FHOD3: variants seen among roughly 807,000 people sequenced by gnomAD.
FHOD3 encodes formin homology 2 domain containing 3.
FHOD3 carries 90 observed loss-of-function variants against 173.0 expected under a neutral mutation model. That is an observed-to-expected ratio of 0.52 (90% CI 0.44 to 0.62). FHOD3 has a LOEUF of 0.62. Ranked by LOEUF, FHOD3 falls within the 20% of genes least tolerant of loss-of-function variation. The pLI is 0.00. For synonymous variants in FHOD3, 828 were observed against 823.0 expected (o/e 1.01, Z -0.10); for missense variants, 1,945 against 2,034.7 (o/e 0.96, Z 0.85).
chr18:36,631,525 A>G (rs1287398894), intron 10 of FHOD3, among the ~76,000 whole-genome samples: 1 of 152,266 alleles, frequency 6.6e-6, no homozygotes, highest in Non-Finnish European at 1.5e-5. Flanking sequence ...AGCCACAACA[A>G]CAGCTAGCCT....
At chr18:36,379,869 A>T (rs933090228) in intron 3 of FHOD3, among the ~76,000 whole-genome samples, 1 of 152,186 alleles carries the variant, frequency 6.6e-6, no homozygotes, top group African/African-American at 2.4e-5. Context: ...ATCAAAATTT[A>T]TGTCAGGAAA....
At chr18:36,356,159 T>C (rs937655329) in intron 2 of FHOD3, among the ~76,000 whole-genome samples, 4 of 152,262 alleles carry the variant, frequency 2.6e-5, no homozygotes, top group Admixed American at 1.3e-4. Context: ...ATTTTAGATA[T>C]TGTATTCAAT....
chr18:36,325,035 C>G (rs544125620), intron 1 of FHOD3, among the ~76,000 whole-genome samples: 1 of 152,286 alleles, frequency 6.6e-6, no homozygotes, highest in East Asian at 1.9e-4. Context: ...ATGGATGAAT[C>G]TCACAGATAT....
intron 5 of FHOD3, among the ~76,000 whole-genome samples, chr18:36,550,212 GTA>G (rs747912952): frequency 2.8e-4 from 36 of 128,894 alleles, no homozygotes; most frequent in Admixed American, 3.1e-4. Context: ...TATCACTTGT[GTA>G]TATATATATA....
chr18:36,420,169 C>T lies in FHOD3; in HGVS notation c.337+47425C>T, dbSNP rs139413965. Among the ~76,000 whole-genome samples, 243 of 152,008 alleles carry T rather than the reference C, an allele frequency of 1.6e-3. 1 individual carries two copies. Among genetic ancestry groups the T allele is most frequent in the Admixed American group, 5.3e-3 (81 of 15,246 alleles). On this transcript the variant is annotated intron_variant, in intron 3 of 28. Transcript: ENST00000590592. ...TGTACTGGATTCATACTGATCCGTC[C>T]ACACTCTCTCGGGCCTCTGTGACAG...
At chr18:36,676,113 T>C (rs1015378514) in intron 14 of FHOD3, among the ~76,000 whole-genome samples, 1 of 152,206 alleles carries the variant, frequency 6.6e-6, no homozygotes, top group African/African-American at 2.4e-5. Flanking sequence ...GTATCAGATA[T>C]AACATTGAAA....
intron 10 of FHOD3, among the ~76,000 whole-genome samples, chr18:36,638,966 G>A (rs1277165824): frequency 2.6e-5 from 4 of 152,138 alleles, no homozygotes; most frequent in Non-Finnish European, 4.4e-5. Context: ...CCACACAACT[G>A]GATTTTTTAG....
At chr18:36,578,385 GA>G (rs959750222) in intron 6 of FHOD3, among the ~76,000 whole-genome samples, 27 of 152,168 alleles carry the variant, frequency 1.8e-4, no homozygotes, top group African/African-American at 6.5e-4. Flanking sequence ...AAAAGCATGG[GA>G]AAAACCCACC....
At chr18:36,404,155 G>A (rs2048951801) in intron 3 of FHOD3, among the ~76,000 whole-genome samples, 1 of 152,176 alleles carries the variant, frequency 6.6e-6, no homozygotes, top group African/African-American at 2.4e-5. Flanking sequence ...CTGACCTCCT[G>A]GGCTTTCCTG....
chr18:36,493,247 A>G, intron 3 of FHOD3, among the ~76,000 whole-genome samples: 1 of 140,820 alleles, frequency 7.1e-6, no homozygotes, highest in African/African-American at 2.7e-5. Flanking sequence ...TTGTATATGG[A>G]GGCCATAACT....
intron 28 of FHOD3, among the ~76,000 whole-genome samples, chr18:36,775,822 G>C (rs2043608321): frequency 6.6e-6 from 1 of 152,228 alleles, no homozygotes; most frequent in African/African-American, 2.4e-5. Flanking sequence ...ACCAGGGCCT[G>C]GGGTGCAGTG....
chr18:36,348,649 C>G (rs2045978644), intron 1 of FHOD3, among the ~76,000 whole-genome samples: 1 of 152,188 alleles, frequency 6.6e-6, no homozygotes, highest in South Asian at 2.1e-4. Flanking sequence ...CCTTGGCTGA[C>G]TGCTCCCTCA....
At position 36,779,458 on chromosome 18, in the gene FHOD3, C is replaced by A; in HGVS notation, c.4797C>A (p.Thr1599=). Residue 1599 remains threonine, a synonymous_variant, in exon 29 of 29, where the codon ACC becomes ACA. Coordinates refer to ENST00000590592, the MANE Select transcript of FHOD3 (RefSeq NM_001281740.3). ...GCACCACCACTGCAGTGCGAAGAAC[C>A]CTGAAGAGCGGCCTGACCCCAGAAG... ...SRANRKSLRR[T]LKSGLTPEEA... 6.2e-7 allele frequency: 1 copy of A among 1,614,184 alleles called. No individual in the cohort carries two copies. Among genetic ancestry groups the A allele is most frequent in the Non-Finnish European group, 8.5e-7 (1 of 1,180,036 alleles).
intron 28 of FHOD3, among the ~76,000 whole-genome samples, chr18:36,772,547 A>C (rs1244025632): frequency 1.3e-5 from 2 of 152,260 alleles, no homozygotes; most frequent in Non-Finnish European, 2.9e-5. Flanking sequence ...ATAACCTTGA[A>C]ATTTATGGCC....
intron 14 of FHOD3, among the ~76,000 whole-genome samples, chr18:36,674,939 A>C (rs1254892735): frequency 2.0e-5 from 3 of 152,194 alleles, no homozygotes; most frequent in Non-Finnish European, 2.9e-5. Flanking sequence ...TTTCCTCAAA[A>C]AATTGAACTT....
intron 20 of FHOD3, among the ~76,000 whole-genome samples, chr18:36,740,167 C>A (rs1600499953): frequency 1.3e-5 from 2 of 152,078 alleles, no homozygotes; most frequent in Non-Finnish European, 2.9e-5. Context: ...TTTATGGATA[C>A]CGTCATGATT....
intron 3 of FHOD3, among the ~76,000 whole-genome samples, chr18:36,417,782 C>T (rs1276994263): frequency 6.6e-6 from 1 of 152,180 alleles, no homozygotes; most frequent in Non-Finnish European, 1.5e-5. Context: ...AACTTCCCCT[C>T]CCCAGATATT....
intron 14 of FHOD3, among the ~76,000 whole-genome samples, chr18:36,672,898 A>C (rs2037622289): frequency 6.6e-6 from 1 of 152,192 alleles, no homozygotes; most frequent in Admixed American, 6.5e-5. Flanking sequence ...AAGTGAAACT[A>C]GTGTACTTCC....
rs1450710202 is a variant in FHOD3, at chr18:36,372,747, G to A, written c.337+3G>A. Reference sequence around the variant, plus strand: ...TGTGAGGGTCCATGCCTGCATCGGTGAGTGACACCTGCCCTCAGGAACTAA... The same window carrying A: ...TGTGAGGGTCCATGCCTGCATCGGTAAGTGACACCTGCCCTCAGGAACTAA... On this transcript the variant is annotated splice_donor_region_variant and intron_variant, in intron 3 of 28. Coordinates refer to ENST00000590592, the MANE Select transcript of FHOD3 (RefSeq NM_001281740.3). The A allele has an allele frequency of 6.2e-7, 1 of 1,613,502 alleles. No homozygotes were observed. Among genetic ancestry groups the A allele is most frequent in the South Asian group, 1.1e-5 (1 of 91,006 alleles).
Sources: allele counts gnomAD v4.1 joint callset (sites outside exome capture counted in the v4.1 genomes callset), GRCh38; gene constraint gnomAD v4.1.1; transcripts MANE v1.5; gene names NCBI Gene and HGNC (gene_info 2026-07-23, HGNC 2026-07-21).